The following SLCO2A1 variants were observed in gnomAD, a reference collection of about 807,000 sequenced individuals.
The protein encoded by SLCO2A1 is matrin F/G 1.
Under a neutral mutation model 71.7 loss-of-function variants are expected in SLCO2A1, and 60 were observed. The ratio of observed to expected loss-of-function variants is 0.84; its 90% confidence interval spans 0.68 to 1.04. SLCO2A1 has a LOEUF of 1.04. SLCO2A1 is among the 50% of genes least tolerant of loss of function. The pLI, the probability that SLCO2A1 is intolerant of heterozygous loss-of-function variation, is 0.00. For synonymous variants in SLCO2A1, 308 were observed against 326.7 expected (o/e 0.94, Z 0.62); for missense variants, 745 against 813.4 (o/e 0.92, Z 1.02).
chr3:133,966,706 T>C (rs1434964702), intron 3 of SLCO2A1, among the ~76,000 whole-genome samples: 2 of 152,248 alleles, frequency 1.3e-5, no homozygotes, highest in Non-Finnish European at 2.9e-5. Context: ...ACTCTCCTTG[T>C]TGTTTCCAAC....
intron 13 of SLCO2A1, 88 bp from the exon 14 acceptor site, chr3:133,934,918 T>G: frequency 5.8e-6 from 6 of 1,035,934 alleles, no homozygotes; most frequent in Non-Finnish European, 8.8e-6. Flanking sequence ...AACCACATCA[T>G]TCCCACGCTG....
intron 7 of SLCO2A1, 36 bp from the exon 8 acceptor site, chr3:133,948,736 C>G (rs1441674474): frequency 6.2e-7 from 1 of 1,606,550 alleles, no homozygotes; most frequent in African/African-American, 1.3e-5. Flanking sequence ...CTGGCAGAAC[C>G]CCTGGGCTGC....
intron 1 of SLCO2A1, among the ~76,000 whole-genome samples, chr3:134,005,012 C>T (rs1445087793): frequency 1.3e-5 from 2 of 152,212 alleles, no homozygotes; most frequent in East Asian, 3.9e-4. Context: ...CCAAGCATGA[C>T]TCAGCCATGG....
intron 13 of SLCO2A1, among the ~76,000 whole-genome samples, chr3:133,935,252 C>T (rs1347368133): frequency 6.6e-6 from 1 of 152,222 alleles, no homozygotes; most frequent in African/African-American, 2.4e-5. Context: ...GCCCACCTTC[C>T]TGTGGTTTCT....
chr3:133,938,695 C>A (rs1209794861), intron 11 of SLCO2A1, among the ~76,000 whole-genome samples: 2 of 152,080 alleles, frequency 1.3e-5, no homozygotes, highest in Non-Finnish European at 2.9e-5. Context: ...TCATCAGCAT[C>A]CCCTGGGAAC....
Position 133,934,703 on chromosome 3 carries a change from C to G in SLCO2A1, c.*10G>C. The stretch of plus-strand genomic sequence containing the variant: ...CACTCTCTGGAGCAGGGCAGTGGCC[C>G]AGGGTGGGGTCAGATGAGGCCTGCC... On this transcript the variant is annotated 3_prime_UTR_variant, in exon 14 of 14. Coordinates refer to ENST00000310926, the MANE Select transcript of SLCO2A1 (RefSeq NM_005630.3). 6.2e-7 allele frequency: 1 copy of G among 1,601,368 alleles called. No individual in the cohort carries two copies. The highest frequency in any genetic ancestry group is 8.6e-7 in the Non-Finnish European group (1 of 1,168,860).
chr3:133,937,385 G>A (rs545306769), intron 12 of SLCO2A1, among the ~76,000 whole-genome samples: 47 of 152,284 alleles, frequency 3.1e-4, no homozygotes, highest in Non-Finnish European at 6.5e-4. Flanking sequence ...AGGGACTAGA[G>A]GAACAAGAAA....
At chr3:134,014,848 G>A (rs1327798344) in intron 1 of SLCO2A1, among the ~76,000 whole-genome samples, 1 of 152,156 alleles carries the variant, frequency 6.6e-6, no homozygotes, top group African/African-American at 2.4e-5. Flanking sequence ...CTGTGACATG[G>A]AGACGTTGAT....
Position 133,992,438 on chromosome 3 carries a change from C to A in SLCO2A1, c.97-12820G>T, listed in dbSNP as rs535301523. On this transcript the variant is annotated intron_variant, in intron 1 of 13. Transcript: ENST00000310926. ...CATCCTAAAAAGCTTTGTATTGTGGCTGTGATAGGGACAGGAGGCAGAAAA... is the reference window on the plus strand; with the variant it reads ...CATCCTAAAAAGCTTTGTATTGTGGATGTGATAGGGACAGGAGGCAGAAAA... Among the ~76,000 whole-genome samples the A allele has an allele frequency of 2.9e-3, 435 of 152,314 alleles. 2 individuals carry two copies. The highest frequency in any genetic ancestry group is 3.7e-3 in the Non-Finnish European group (254 of 68,016).
intron 1 of SLCO2A1, among the ~76,000 whole-genome samples, chr3:133,983,470 T>C (rs1267924645): frequency 1.3e-5 from 2 of 152,252 alleles, no homozygotes; most frequent in African/African-American, 4.8e-5. Flanking sequence ...AATGTGGCCA[T>C]TGTTTTAAGC....
chr3:134,013,669 A>G (rs75520407), intron 1 of SLCO2A1, among the ~76,000 whole-genome samples: 2,916 of 152,218 alleles, frequency 0.019, 82 homozygotes, highest in African/African-American at 0.063. Flanking sequence ...CCCAAACTCA[A>G]TTCACTCCAC....
At chr3:133,937,788 T>C (rs2108036491) in intron 12 of SLCO2A1, among the ~76,000 whole-genome samples, 1 of 152,330 alleles carries the variant, frequency 6.6e-6, no homozygotes, top group East Asian at 1.9e-4. Flanking sequence ...TGCACAGATA[T>C]GTCAAGAAGG....
At chr3:133,939,961 T>C (rs932631391) in intron 11 of SLCO2A1, among the ~76,000 whole-genome samples, 4 of 138,194 alleles carry the variant, frequency 2.9e-5, no homozygotes, top group African/African-American at 8.1e-5. Context: ...TACAAAGTCA[T>C]CTTTTTTTTT....
rs146505740 is a variant in SLCO2A1, at chr3:133,935,962, TG to T, written c.1691-66del. Reference sequence around the variant, plus strand: ...CAGGCAGAGGTGTCCAGCAGGGGTGTGGGAGCCAAGTCCCCGACACAGTTCA... The same window carrying T: ...CAGGCAGAGGTGTCCAGCAGGGGTGTGGAGCCAAGTCCCCGACACAGTTCA... On this transcript the variant is annotated intron_variant, in intron 12 of 13. Transcript: ENST00000310926. The T allele has an allele frequency of 6.8e-4, 980 of 1,441,440 alleles. 2 individuals are homozygous for T. The African/African-American group carries it at 0.013, about 19-fold the overall frequency. 89.3% of individuals were successfully genotyped at this position (1,441,440 alleles called of 1,614,324 possible).
rs1241718728 is a variant in SLCO2A1 at position 133,979,446 on chromosome 3, A to G, written c.234+35T>C. 3.1e-6 allele frequency: 5 copies of G among 1,613,830 alleles called. No homozygotes were observed. The Admixed American group carries it at 8.3e-5, about 27-fold the overall frequency. ...GGATCTTGTGGTCAGCGTGGTGCAC[A>G]AGTGGAGTCTGATGGACCAGAACCT... On this transcript the variant is annotated intron_variant, in intron 2 of 13. Coordinates refer to ENST00000310926, the MANE Select transcript of SLCO2A1 (RefSeq NM_005630.3).
intron 3 of SLCO2A1, among the ~76,000 whole-genome samples, chr3:133,960,765 ACAGGGTGC>A (rs977642344): frequency 6.6e-6 from 1 of 152,168 alleles, no homozygotes; most frequent in African/African-American, 2.4e-5. Flanking sequence ...TGAAGCTGGG[ACAGGGTGC>A]CAGGGAGCAT....
At chr3:134,013,066 A>G (rs1306822296) in intron 1 of SLCO2A1, among the ~76,000 whole-genome samples, 2 of 152,188 alleles carry the variant, frequency 1.3e-5, no homozygotes, top group East Asian at 3.8e-4. Context: ...GAAACTTGGG[A>G]GACTTTCAGG....
chr3:133,945,331 T>C (rs531384361), intron 9 of SLCO2A1, 71 bp from the exon 10 acceptor site: 39 of 1,426,988 alleles, frequency 2.7e-5, no homozygotes, highest in Non-Finnish European at 2.8e-6. Flanking sequence ...TCCAGCCCAG[T>C]GTGAGTTCCT....
chr3:134,029,601 C>T (rs1388115306), intron 1 of SLCO2A1, 106 bp downstream of exon 1: 16 of 843,216 alleles, frequency 1.9e-5, no homozygotes, highest in South Asian at 1.9e-4. Context: ...CAGGAGGGAG[C>T]CCGGGGCTCC....
Sources: gnomAD v4.1 joint callset for allele counts (sites outside exome capture counted in the v4.1 genomes callset) on GRCh38, gnomAD v4.1.1 for gene constraint, MANE v1.5 for transcripts, NCBI Gene and HGNC (gene_info 2026-07-23, HGNC 2026-07-21) for gene names.